Variants in ARHGAP8 observed in about 807,000 individuals in gnomAD.
The protein encoded by ARHGAP8 is Rho GTPase activating protein 8.
A neutral mutation model predicts 46.1 loss-of-function variants in ARHGAP8; 62 were observed. That is an observed-to-expected ratio of 1.34 (90% CI 1.10 to 1.66). The LOEUF (loss-of-function observed/expected upper bound fraction) is 1.66, where lower values mean the gene tolerates loss of function less well. ARHGAP8 is among the 40% of genes most tolerant of loss of function. ARHGAP8 has a pLI of 0.00. For missense variants in ARHGAP8, 923 were observed against 568.4 expected, an observed-to-expected ratio of 1.62 and a Z score of -6.34; for synonymous variants, 375 against 243.1, an observed-to-expected ratio of 1.54 and a Z score of -5.05.
chr22:44,830,617 A>T (rs1303170981), intron 7 of ARHGAP8, among the ~76,000 whole-genome samples: 1 of 151,738 alleles, frequency 6.6e-6, no homozygotes, highest in Non-Finnish European at 1.5e-5. Context: ...GCTCACTGCA[A>T]CCTCCACCTC....
chr22:44,862,593 T>G lies in ARHGAP8; in HGVS notation c.1300T>G (p.Ter434GluextTer33), dbSNP rs185310853. Residue 434 changes from the stop codon to glutamate, a stop_lost, in exon 12 of 12, where the codon TAG becomes GAG. Coordinates refer to ENST00000356099, the MANE Select transcript of ARHGAP8 (RefSeq NM_181335.3). ...CCTGATGGCAGCCAGAAGACGTCTCTAGTGTTGCGAACACTCTGTATATTT... is the reference window on the plus strand; with the variant it reads ...CCTGATGGCAGCCAGAAGACGTCTCGAGTGTTGCGAACACTCTGTATATTT... ...SPLMAARRRL* is the reference protein window; with the variant it reads ...SPLMAARRRLE 151 of 1,571,730 alleles carry G rather than the reference T, an allele frequency of 9.6e-5. No homozygotes were observed. In the East Asian group the frequency reaches 3.3e-3, roughly 35 times the overall value.
chr22:44,848,280 T>G (rs1024331), intron 9 of ARHGAP8, among the ~76,000 whole-genome samples: 50,369 of 152,182 alleles, frequency 0.33, 9,351 homozygotes, highest in African/African-American at 0.51. Context: ...GGCCGCATGA[T>G]GCCATTTTGC....
intron 2 of ARHGAP8, among the ~76,000 whole-genome samples, chr22:44,787,919 C>CT (rs1194920444): frequency 0.043 from 3,800 of 89,020 alleles, 112 homozygotes; most frequent in Non-Finnish European, 0.071. Context: ...CCCAAATGTC[C>CT]TTTTTTTTTT....
chr22:44,837,437 C>T (rs1434626647), intron 7 of ARHGAP8, among the ~76,000 whole-genome samples: 1 of 152,152 alleles, frequency 6.6e-6, no homozygotes, highest in Non-Finnish European at 1.5e-5. Flanking sequence ...AGTCCTCCTG[C>T]CCAGCATGCA....
At chr22:44,861,074 G>C (rs3830116) in intron 11 of ARHGAP8, among the ~76,000 whole-genome samples, 58,139 of 151,926 alleles carry the variant, frequency 0.38, 11,434 homozygotes, top group East Asian at 0.55. Context: ...TGCAATCTCA[G>C]CTCACTGCAA....
chr22:44,760,718 A>G (rs1925066602), intron 1 of ARHGAP8, among the ~76,000 whole-genome samples: 1 of 152,154 alleles, frequency 6.6e-6, no homozygotes, highest in African/African-American at 2.4e-5. Context: ...ACAGCAACAA[A>G]CCATTTTGCT....
At chr22:44,786,637 C>T in intron 2 of ARHGAP8, 31 bp downstream of exon 2, 1 of 1,602,412 alleles carries the variant, frequency 6.2e-7, no homozygotes, top group Non-Finnish European at 8.5e-7. Flanking sequence ...TCTGCAGGAC[C>T]ATGGGCAGAG....
chr22:44,785,284 G>A (rs1265013286), intron 1 of ARHGAP8, among the ~76,000 whole-genome samples: 6 of 152,016 alleles, frequency 3.9e-5, no homozygotes, highest in African/African-American at 1.5e-4. Context: ...CCATCTCCTC[G>A]GGCCGCCAGC....
At chr22:44,752,670 C>A (rs1323319598) in intron 1 of ARHGAP8, 43 bp downstream of exon 1, 3 of 91,272 alleles carry the variant, frequency 3.3e-5, no homozygotes, top group Admixed American at 2.6e-4. Flanking sequence ...GGGAGGAGGC[C>A]GTGCTCGGGG....
intron 2 of ARHGAP8, among the ~76,000 whole-genome samples, chr22:44,788,608 G>T (rs1386187776): frequency 6.6e-6 from 1 of 152,072 alleles, no homozygotes. Context: ...TGGCCAGGCT[G>T]GTCTCGAACT....
chr22:44,827,398 G>T (rs1221188637), intron 7 of ARHGAP8, among the ~76,000 whole-genome samples: 7 of 137,666 alleles, frequency 5.1e-5, no homozygotes, highest in Admixed American at 3.1e-4. Flanking sequence ...GCTGGAGTGC[G>T]GTGGTGTGAG....
At chr22:44,849,406 C>T in intron 10 of ARHGAP8, 1 of 306,992 alleles carries the variant, frequency 3.3e-6, no homozygotes, top group East Asian at 7.8e-5. Context: ...GGCCCCAGAC[C>T]CTCAGCTCTC....
At chr22:44,846,702 C>T (rs2069965135) in intron 8 of ARHGAP8, among the ~76,000 whole-genome samples, 1 of 152,166 alleles carries the variant, frequency 6.6e-6, no homozygotes. Flanking sequence ...TTCACGCCTC[C>T]CCATCATTCA....
chr22:44,775,023 A>T (rs1926322306), intron 1 of ARHGAP8, among the ~76,000 whole-genome samples: 1 of 146,928 alleles, frequency 6.8e-6, no homozygotes, highest in African/African-American at 2.5e-5. Context: ...GTAGAGACAG[A>T]GTTTTGCCAT....
intron 2 of ARHGAP8, among the ~76,000 whole-genome samples, chr22:44,791,172 C>T (rs368603848): frequency 3.9e-4 from 49 of 125,190 alleles, no homozygotes; most frequent in African/African-American, 1.2e-3. Flanking sequence ...CAGGGTTTAG[C>T]CTGGGAGGGA....
At position 44,854,743 on chromosome 22, in the gene ARHGAP8, A is replaced by G. The variant is rs932098974; in HGVS notation, c.878-4988A>G. On this transcript the variant is annotated intron_variant, in intron 10 of 11. Transcript: ENST00000356099. ...AACCTCTGGCTCCTGGGTTCAAGCA[A>G]TTCTCCCACCTCAGCCTCCCGAGTA... 3.9e-5 allele frequency among the ~76,000 whole-genome samples: 6 copies of G among 152,092 alleles called. No individual in the cohort carries two copies. In the South Asian group the frequency reaches 8.3e-4, roughly 21 times the overall value.
intron 2 of ARHGAP8, among the ~76,000 whole-genome samples, chr22:44,792,137 G>A (rs968334426): frequency 1.5e-4 from 22 of 151,684 alleles, no homozygotes; most frequent in Non-Finnish European, 1.8e-4. Context: ...TCAGCCTCCC[G>A]AGTAGCTGAG....
At chr22:44,762,025 A>G (rs1925169452) in intron 1 of ARHGAP8, among the ~76,000 whole-genome samples, 2 of 152,232 alleles carry the variant, frequency 1.3e-5, no homozygotes, top group African/African-American at 4.8e-5. Flanking sequence ...TGTGAGAATT[A>G]TGGGAGCTAC....
intron 1 of ARHGAP8, among the ~76,000 whole-genome samples, chr22:44,755,019 C>T (rs534551104): frequency 7.2e-5 from 11 of 152,294 alleles, no homozygotes; most frequent in African/African-American, 2.2e-4. Context: ...GCAAAAGGAG[C>T]TATTGGCTGT....
Sources: gnomAD v4.1 joint callset for allele counts (sites outside exome capture counted in the v4.1 genomes callset) on GRCh38, gnomAD v4.1.1 for gene constraint, MANE v1.5 for transcripts, NCBI Gene and HGNC (gene_info 2026-07-23, HGNC 2026-07-21) for gene names.